TMTC2: variants seen among roughly 807,000 people sequenced by gnomAD.
The protein encoded by TMTC2 is transmembrane O-mannosyltransferase targeting cadherins 2, also known as protein O-mannosyl-transferase TMTC2.
TMTC2 carries 43 observed loss-of-function variants against 82.4 expected under a neutral mutation model. The ratio of observed to expected loss-of-function variants is 0.52; its 90% CI spans 0.41 to 0.67. The LOEUF (loss-of-function observed/expected upper bound fraction) is 0.67. Ranked by LOEUF, TMTC2 falls within the 30% of genes least tolerant of loss-of-function variation. The pLI, the probability that TMTC2 is intolerant of heterozygous loss-of-function variation, is 0.00. For missense variants in TMTC2, 919 were observed against 1,012.4 expected (o/e 0.91, Z 1.25); for synonymous variants, 408 against 381.9 (o/e 1.07, Z -0.80).
rs772719690 is a variant in TMTC2, at chr12:82,930,534, G to A, written c.1587G>A (p.Met529Ile). ...ACTACCGCAGCAACATGGCTGACAT[G>A]CTTTATAATTTGTGAGTATGCCTTG... ...ALYYRSNMAD[M>I]LYNLGLLLQE... The change falls in exon 4 of 12, where the codon ATG becomes ATA. Residue 529 changes from methionine (M) to isoleucine (I), a missense_variant. Physicochemically the swap from Met to Ile is conservative, Grantham distance 10. Transcript: ENST00000321196. 6.3e-7 allele frequency: 1 copy of A among 1,580,846 alleles called. No individual in the cohort carries two copies. Among genetic ancestry groups the A allele is most frequent in the South Asian group, 1.1e-5 (1 of 87,286 alleles).
chr12:82,870,879 T>C (rs1872138605), intron 2 of TMTC2, among the ~76,000 whole-genome samples: 1 of 152,210 alleles, frequency 6.6e-6, no homozygotes, highest in South Asian at 2.1e-4. Flanking sequence ...AGAAAAGGGC[T>C]GAATTTAAGT....
intron 1 of TMTC2, among the ~76,000 whole-genome samples, chr12:82,823,762 A>G (rs1049927399): frequency 6.6e-6 from 1 of 152,122 alleles, no homozygotes; most frequent in African/African-American, 2.4e-5. Flanking sequence ...ATATTATTTT[A>G]TTCTTGTGTT....
intron 2 of TMTC2, among the ~76,000 whole-genome samples, chr12:82,862,703 G>GT (rs150202085): frequency 2.0e-5 from 3 of 152,108 alleles, no homozygotes; most frequent in African/African-American, 7.2e-5. Context: ...TAATTTTCTT[G>GT]TTTTAATGCT....
intron 11 of TMTC2, among the ~76,000 whole-genome samples, chr12:83,086,801 C>T (rs1168511853): frequency 1.3e-5 from 2 of 152,100 alleles, no homozygotes; most frequent in Non-Finnish European, 2.9e-5. Flanking sequence ...CTAAAAAATG[C>T]TAACGGTCAT....
intron 1 of TMTC2, among the ~76,000 whole-genome samples, chr12:82,825,475 T>C (rs2137069261): frequency 6.6e-6 from 1 of 152,252 alleles, no homozygotes; most frequent in East Asian, 1.9e-4. Flanking sequence ...ATTGCTTTAG[T>C]TTCTCAATTC....
intron 1 of TMTC2, among the ~76,000 whole-genome samples, chr12:82,799,074 G>A (rs1337563951): frequency 6.6e-6 from 1 of 152,116 alleles, no homozygotes; most frequent in African/African-American, 2.4e-5. Context: ...TGATATTCTT[G>A]CTATAAAATA....
intron 11 of TMTC2, among the ~76,000 whole-genome samples, chr12:83,071,045 C>T (rs564948795): frequency 3.9e-5 from 6 of 151,972 alleles, no homozygotes; most frequent in African/African-American, 9.7e-5. Context: ...GAAATGCACT[C>T]GATCATGGTG....
intron 3 of TMTC2, among the ~76,000 whole-genome samples, chr12:82,925,812 A>T (rs1469115620): frequency 6.6e-6 from 1 of 152,112 alleles, no homozygotes; most frequent in Non-Finnish European, 1.5e-5. Flanking sequence ...GACAAAAAAA[A>T]TATTGAAATT....
intron 11 of TMTC2, among the ~76,000 whole-genome samples, chr12:83,100,069 G>A (rs539939510): frequency 2.6e-4 from 40 of 151,902 alleles, no homozygotes; most frequent in Middle Eastern, 3.4e-3. Flanking sequence ...CCCGGCGCCC[G>A]CCACCATGCT....
intron 1 of TMTC2, chr12:82,690,554 C>T (rs1872529841): frequency 3.9e-6 from 1 of 257,848 alleles, no homozygotes. Flanking sequence ...TCTTATAGCA[C>T]AATCAATTTC....
chr12:82,940,147 A>G (rs897677905), intron 4 of TMTC2, among the ~76,000 whole-genome samples: 1 of 150,190 alleles, frequency 6.7e-6, no homozygotes, highest in African/African-American at 2.4e-5. Flanking sequence ...CCTCCGGAGT[A>G]GCTGGGATTA....
intron 8 of TMTC2, among the ~76,000 whole-genome samples, chr12:83,014,695 A>C (rs1449934404): frequency 1.3e-5 from 2 of 149,080 alleles, no homozygotes; most frequent in Non-Finnish European, 3.0e-5. Context: ...CTGAGTAAAT[A>C]GATTTAGGTA....
At chr12:82,782,350 CTT>C (rs1291232700) in intron 1 of TMTC2, among the ~76,000 whole-genome samples, 1 of 152,068 alleles carries the variant, frequency 6.6e-6, no homozygotes, top group Non-Finnish European at 1.5e-5. Context: ...TCAGTGGACT[CTT>C]ATGTATGATA....
intron 1 of TMTC2, among the ~76,000 whole-genome samples, chr12:82,735,404 G>A (rs1334488278): frequency 1.3e-5 from 2 of 149,466 alleles, no homozygotes; most frequent in Non-Finnish European, 3.0e-5. Context: ...GGAGTGCAGT[G>A]GCGCGATCTC....
chr12:82,840,711 T>C (rs1870285505), intron 1 of TMTC2, among the ~76,000 whole-genome samples: 1 of 152,200 alleles, frequency 6.6e-6, no homozygotes, highest in Admixed American at 6.5e-5. Context: ...GTTCCAAGTA[T>C]ATGAATTTGG....
At chr12:82,819,247 A>G (rs868030914) in intron 1 of TMTC2, among the ~76,000 whole-genome samples, 1 of 152,046 alleles carries the variant, frequency 6.6e-6, no homozygotes, top group Non-Finnish European at 1.5e-5. Context: ...TTTAATTTTT[A>G]GAAAACTTTT....
At chr12:83,070,348 A>G (rs527339737) in intron 11 of TMTC2, among the ~76,000 whole-genome samples, 27 of 151,904 alleles carry the variant, frequency 1.8e-4, no homozygotes, top group Non-Finnish European at 3.4e-4. Context: ...TGTTTGTTTC[A>G]TCTGTGATTT....
intron 1 of TMTC2, among the ~76,000 whole-genome samples, chr12:82,737,324 G>GT (rs750287794): frequency 6.3e-4 from 95 of 150,474 alleles, no homozygotes; most frequent in Non-Finnish European, 1.2e-3. Context: ...CTTTTTTTTT[G>GT]TTTTTTAATA....
chr12:82,738,765 G>A (rs551931212), intron 1 of TMTC2, among the ~76,000 whole-genome samples: 152 of 152,236 alleles, frequency 1.0e-3, no homozygotes, highest in Non-Finnish European at 1.9e-3. Context: ...ATAATTATTA[G>A]TTATTTTAAT....
Sources: gnomAD v4.1 joint callset for allele counts (sites outside exome capture counted in the v4.1 genomes callset) on GRCh38, gnomAD v4.1.1 for gene constraint, MANE v1.5 for transcripts, NCBI Gene and HGNC (gene_info 2026-07-23, HGNC 2026-07-21) for gene names.